TBC1D24: variants seen among roughly 807,000 people sequenced by gnomAD.
TBC1D24 encodes the protein Infantile myoclonic epilepsy.
Under a neutral mutation model 50.7 loss-of-function variants are expected in TBC1D24, and 47 were observed. The ratio of observed to expected loss-of-function variants is 0.93; its 90% CI spans 0.73 to 1.18. TBC1D24 has a LOEUF of 1.18. Ranked by LOEUF, TBC1D24 falls within the 50% of genes most tolerant of loss-of-function variation. The pLI, the probability that TBC1D24 is intolerant of heterozygous loss-of-function variation, is 0.00. For missense variants in TBC1D24, 688 were observed against 766.5 expected (o/e 0.90, Z 1.21); for synonymous variants, 324 against 335.2 (o/e 0.97, Z 0.36).
chr16:2,497,845 C>T, intron 3 of TBC1D24, 118 bp downstream of exon 3: 1 of 1,060,060 alleles, frequency 9.4e-7, no homozygotes. Context: ...AGCAGCGCTG[C>T]CTCTGAGCCG....
In TBC1D24 at chr16:2,500,544, A is replaced by C. The variant is rs904691447; in HGVS notation, c.1525+54A>C. On this transcript the variant is annotated intron_variant, in intron 7 of 7. Transcript: ENST00000646147. This position sits in a 1 kb window ranked among gnomAD's most constrained non-coding sequence, Gnocchi z 8.0. ...TGAGGGTGTGGGGTCCGGGCAGCTG[A>C]AGCTGCTGCACCCAGCCCTCCCTGA... 3 of 1,506,702 alleles carry C rather than the reference A, an allele frequency of 2.0e-6. No individual in the cohort carries two copies. Among genetic ancestry groups the C allele is most frequent in the Non-Finnish European group, 2.7e-6 (3 of 1,119,872 alleles). 93.3% of individuals were successfully genotyped at this position (1,506,702 alleles called of 1,614,324 possible).
chr16:2,500,771 A>T lies in TBC1D24; in HGVS notation c.1526-33A>T, dbSNP rs1164840367. On this transcript the variant is annotated intron_variant, in intron 7 of 7. Coordinates refer to ENST00000646147, the MANE Select transcript of TBC1D24 (RefSeq NM_001199107.2). The surrounding 1 kb of genome is among the most constrained non-coding windows in gnomAD (Gnocchi z 8.0). ...GTGCCTGGGTCAGTGCTGATAGGGC[A>T]GTCAGGCCGCCACTGACCTGAGCAT... is the stretch of plus-strand genomic sequence containing the variant. 6.3e-7 allele frequency: 1 copy of T among 1,585,992 alleles called. No individual in the cohort carries two copies. Among genetic ancestry groups the T allele is most frequent in the Non-Finnish European group, 8.5e-7 (1 of 1,172,392 alleles).
chr16:2,480,618 C>A (rs1358166167), intron 1 of TBC1D24: 1 of 152,112 alleles, frequency 6.6e-6, no homozygotes, highest in African/African-American at 2.4e-5. Context: ...CCCTTCCACT[C>A]ACTGTGGCAT....
At chr16:2,476,927 A>C (rs1385295399) in intron 1 of TBC1D24, 3 of 152,274 alleles carry the variant, frequency 2.0e-5, no homozygotes, top group Non-Finnish European at 2.9e-5. Flanking sequence ...GACCTTGGGC[A>C]TGCAGTGTTG....
intron 1 of TBC1D24, among the ~76,000 whole-genome samples, chr16:2,489,625 G>C (rs532842507): frequency 1.3e-5 from 2 of 152,266 alleles, no homozygotes; most frequent in Middle Eastern, 3.4e-3. Flanking sequence ...TGGCTGTGGA[G>C]AGAGGCATTA....
chr16:2,500,097 C>T lies in TBC1D24; in HGVS notation c.1302+167C>T, dbSNP rs1697436789. Among the ~76,000 whole-genome samples the T allele has an allele frequency of 6.6e-6, 1 of 152,156 alleles. No individual in the cohort carries two copies. The highest frequency in any genetic ancestry group is 1.5e-5 in the Non-Finnish European group (1 of 68,014). On this transcript the variant is annotated intron_variant, in intron 6 of 7. Transcript: ENST00000646147. This position sits in a 1 kb window ranked among gnomAD's most constrained non-coding sequence, Gnocchi z 8.0. The stretch of plus-strand genomic sequence containing the variant: ...TTTGATCATTCAGCCGTGCGCTGCT[C>T]CGGGGCAGGGGGCTTCATCTGCTCG...
rs1025464770 is a variant in TBC1D24 at position 2,503,766 on chromosome 16, G to C, written c.*2808G>C. On this transcript the variant is annotated 3_prime_UTR_variant, in exon 8 of 8. Transcript: ENST00000646147. Reference sequence around the variant, plus strand: ...GTAGAGGCAGGGTTTCACTGTGTTGGTCAGGCTGGTCTTGAACTCCTGACC... The same window carrying C: ...GTAGAGGCAGGGTTTCACTGTGTTGCTCAGGCTGGTCTTGAACTCCTGACC... 2 of 151,850 alleles carry C rather than the reference G, an allele frequency of 1.3e-5. No homozygotes were observed. The highest frequency in any genetic ancestry group is 2.9e-5 in the Non-Finnish European group (2 of 67,974). The allele number at this position is 151,850 out of a possible 1,614,324, so 9.4% of individuals were successfully genotyped here.
At chr16:2,493,967 C>T (rs1241742736) in intron 1 of TBC1D24, among the ~76,000 whole-genome samples, 1 of 152,232 alleles carries the variant, frequency 6.6e-6, no homozygotes, top group East Asian at 1.9e-4. Flanking sequence ...CTGGAAAATG[C>T]CTGCTCCTCA....
At position 2,504,414 on chromosome 16, in the gene TBC1D24, C is replaced by CTTTTTTTTTTTTTTTTTTTT. The variant is rs901354911; in HGVS notation, c.*3459_*3478dup. On this transcript the variant is annotated 3_prime_UTR_variant, in exon 8 of 8. Transcript: ENST00000646147. ...AACCACAGGCCTATTGAGATTGTCC[C>CTTTTTTTTTTTTTTTTTTTT]TTTTTTTTTTTTTTTTTTTTTTGAG... 1.2e-4 allele frequency: 15 copies of CTTTTTTTTTTTTTTTTTTTT among 125,686 alleles called. 1 individual carries two copies. Among genetic ancestry groups the CTTTTTTTTTTTTTTTTTTTT allele is most frequent in the African/African-American group, 3.3e-4 (10 of 29,950 alleles). 7.8% of individuals were successfully genotyped at this position (125,686 alleles called of 1,614,324 possible). A position where few individuals can be genotyped will look rare whatever the true frequency, so the allele number is the denominator to read the frequency against.
Position 2,496,960 on chromosome 16 carries a change from C to A in TBC1D24, c.812C>A (p.Thr271Lys). 6.2e-7 allele frequency: 1 copy of A among 1,614,020 alleles called. No homozygotes were observed. The highest frequency in any genetic ancestry group is 1.1e-5 in the South Asian group (1 of 91,090). Residue 271 changes from threonine to lysine, a missense_variant, in exon 2 of 8, where the codon ACG becomes AAG. Physicochemically the swap from Thr to Lys is moderately conservative, Grantham distance 78 (BLOSUM62 -1). Transcript: ENST00000646147. ...GACAGCGTGAAGCAGGACATCCGCACGTTCGTCAGAGACATCGCGAAGACG... is the reference window on the plus strand; with the variant it reads ...GACAGCGTGAAGCAGGACATCCGCAAGTTCGTCAGAGACATCGCGAAGACG... Reference protein sequence around the residue: ...ESDSVKQDIRTFVRDIAKTVS... With the variant: ...ESDSVKQDIRKFVRDIAKTVS...
In TBC1D24 at chr16:2,487,960, C is replaced by A. The variant is rs1464657826; in HGVS notation, c.-115-8074C>A. The stretch of plus-strand genomic sequence containing the variant: ...GCAGCTGTGGGGTTGTGTTCCGCCC[C>A]GAGGCTGGGGTGAGCTGCTTGTCTG... On this transcript the variant is annotated intron_variant, in intron 1 of 7. Coordinates refer to ENST00000646147, the MANE Select transcript of TBC1D24 (RefSeq NM_001199107.2). This position sits in a 1 kb window ranked among gnomAD's most constrained non-coding sequence, Gnocchi z 4.1. Among the ~76,000 whole-genome samples, 3 of 152,192 alleles carry A rather than the reference C, an allele frequency of 2.0e-5. No homozygotes were observed. The highest frequency in any genetic ancestry group is 4.4e-5 in the Non-Finnish European group (3 of 68,028).
chr16:2,479,549 G>A (rs371891244), intron 1 of TBC1D24: 1 of 152,328 alleles, frequency 6.6e-6, no homozygotes, highest in Non-Finnish European at 1.5e-5. Flanking sequence ...CGTGTGTGAT[G>A]CGTCCCCCAC....
chr16:2,498,226 C>T lies in TBC1D24; in HGVS notation c.984-12C>T, dbSNP rs762896980. ...GTGCCTTCGGGCTCTGACCCCTGCT[C>T]GCTCCCCTCAGGCAGTTTGTACACT... On this transcript the variant is annotated splice_polypyrimidine_tract_variant and intron_variant, in intron 3 of 7. Coordinates refer to ENST00000646147, the MANE Select transcript of TBC1D24 (RefSeq NM_001199107.2). The T allele has an allele frequency of 9.4e-6, 15 of 1,597,860 alleles. No individual in the cohort carries two copies. Among genetic ancestry groups the T allele is most frequent in the East Asian group, 2.3e-5 (1 of 44,198 alleles).
rs1159293544 is a variant in TBC1D24, at chr16:2,496,803, G to A, written c.655G>A (p.Glu219Lys). ...YADWQRWLFG[E>K]LPLCYFARVF... Reference sequence around the variant, plus strand: ...GGACTGGCAGCGCTGGCTGTTTGGGGAGCTGCCCCTCTGCTACTTCGCCCG... The same window carrying A: ...GGACTGGCAGCGCTGGCTGTTTGGGAAGCTGCCCCTCTGCTACTTCGCCCG... The change falls in exon 2 of 8, where the codon GAG (glutamate) becomes AAG (lysine). Residue 219 changes from glutamate (E) to lysine (K), a missense_variant. Glu to Lys is a moderately conservative substitution (Grantham distance 56). Transcript: ENST00000646147. The A allele has an allele frequency of 9.9e-6, 16 of 1,613,998 alleles. No homozygotes were observed. Among genetic ancestry groups the A allele is most frequent in the Non-Finnish European group, 1.3e-5 (15 of 1,180,046 alleles).
chr16:2,490,396 G>C (rs1320392158), intron 1 of TBC1D24, among the ~76,000 whole-genome samples: 1 of 152,210 alleles, frequency 6.6e-6, no homozygotes, highest in Non-Finnish European at 1.5e-5. Context: ...GCCTGGTGGG[G>C]AAGCACACTT....
At chr16:2,492,161 C>T (rs1411968920) in intron 1 of TBC1D24, among the ~76,000 whole-genome samples, 2 of 152,090 alleles carry the variant, frequency 1.3e-5, no homozygotes, top group Non-Finnish European at 2.9e-5. Context: ...TTATAGATGC[C>T]TTAAGTGGGT....
In TBC1D24 at chr16:2,494,195, C is replaced by T. The variant is rs368607962; in HGVS notation, c.-115-1839C>T. On this transcript the variant is annotated intron_variant, in intron 1 of 7. Transcript: ENST00000646147. ...TTGGGAGGCCGAGGTGGGTGGATCA[C>T]GAGATCAGGAGTTCGAGACCAGCCT... 4.3e-4 allele frequency among the ~76,000 whole-genome samples: 65 copies of T among 152,220 alleles called. 1 individual carries two copies. In the South Asian group the frequency reaches 0.012, roughly 28 times the overall value.
At position 2,500,954 on chromosome 16, in the gene TBC1D24, A is replaced by G. The variant is rs1427285339; in HGVS notation, c.1676A>G (p.Gln559Arg). 2.5e-6 allele frequency: 4 copies of G among 1,610,366 alleles called. No homozygotes were observed. The highest frequency in any genetic ancestry group is 3.4e-6 in the Non-Finnish European group (4 of 1,179,916). The part of the protein sequence containing the change: ...EAWGFQDPDT[Q>R] The stretch of plus-strand genomic sequence containing the variant: ...TGGGGCTTCCAGGACCCTGACACCC[A>G]GTGACGGCCTGTGCCACGGTGACTG... Residue 559 changes from glutamine to arginine, a missense_variant, in exon 8 of 8, where the codon CAG becomes CGG. Gln to Arg is a conservative substitution (Grantham distance 43). Transcript: ENST00000646147. This position sits in a 1 kb window ranked among gnomAD's most constrained non-coding sequence, Gnocchi z 8.0.
intron 1 of TBC1D24, among the ~76,000 whole-genome samples, chr16:2,489,363 C>T (rs987822660): frequency 5.9e-5 from 9 of 152,008 alleles, no homozygotes; most frequent in Admixed American, 2.0e-4. Context: ...ACCCGGTAGG[C>T]GGAGTTTGCA....
Sources: gnomAD v4.1 joint callset for allele counts (sites outside exome capture counted in the v4.1 genomes callset) on GRCh38, gnomAD v4.1.1 for gene constraint, Gnocchi (gnomAD v3.1) non-coding constraint, MANE v1.5 for transcripts, NCBI Gene and HGNC (gene_info 2026-07-23, HGNC 2026-07-21) for gene names.